Variants in GRIA3 observed in about 807,000 individuals in gnomAD.
The protein encoded by GRIA3 is glutamate ionotropic receptor AMPA type subunit 3, also known as glutamate receptor 3.
Under a neutral mutation model 63.0 loss-of-function variants are expected in GRIA3, and 3 were observed. The observed-to-expected ratio is 0.05, with a 90% CI of 0.02 to 0.12. GRIA3 has a LOEUF of 0.12. Ranked by LOEUF, GRIA3 falls within the 10% of genes least tolerant of loss-of-function variation. The probability of loss-of-function intolerance (pLI) is 1.00; values close to 1 mark genes in which losing one functional copy is unlikely to be tolerated. For missense variants in GRIA3, 347 were observed against 700.9 expected (o/e 0.50, Z 5.70); for synonymous variants, 274 against 257.9 (o/e 1.06, Z -0.60).
At chrX:123,241,569 G>A (rs1470145893) in intron 2 of GRIA3, among the ~76,000 whole-genome samples, 2 of 110,507 alleles carry the variant, frequency 1.8e-5, no homozygotes, top group Admixed American at 9.7e-5. Context: ...GGGGGGTGGG[G>A]AGGGGTATCA....
intron 4 of GRIA3, among the ~76,000 whole-genome samples, chrX:123,351,500 A>G (rs2045093928): frequency 8.9e-6 from 1 of 111,950 alleles, no homozygotes; most frequent in African/African-American, 3.2e-5. Flanking sequence ...TAAAATATGC[A>G]TATCCCTGGG....
rs1182281231 is a variant in GRIA3 at position 123,398,713 on chromosome X, T to A, written c.990T>A (p.Asp330Glu). ...GCTACCTGAGGAGGCAGCGAGTAGA[T>A]GTGTCCCGGAGAGGAAGTGCTGGAG... ...AFRYLRRQRVDVSRRGSAGDC... is the reference protein window; with the variant it reads ...AFRYLRRQRVEVSRRGSAGDC... Residue 330 changes from aspartate (D) to glutamate (E), a missense_variant, in exon 7 of 16, where the codon GAT becomes GAA. Asp to Glu is a conservative substitution (Grantham distance 45). Coordinates refer to ENST00000620443, the MANE Select transcript of GRIA3 (RefSeq NM_007325.5). 1.7e-6 allele frequency: 2 copies of A among 1,207,513 alleles called. No individual in the cohort carries two copies. Among genetic ancestry groups the A allele is most frequent in the Admixed American group, 4.4e-5 (2 of 45,943 alleles).
chrX:123,246,157 A>AG, intron 2 of GRIA3, among the ~76,000 whole-genome samples: 1 of 112,008 alleles, frequency 8.9e-6, no homozygotes, highest in Middle Eastern at 4.6e-3. Flanking sequence ...ATAATATTTT[A>AG]GGGGGAAAAA....
In GRIA3 at chrX:123,427,388, A is replaced by C. The variant is rs755060704; in HGVS notation, c.1878-553A>C. Among the ~76,000 whole-genome samples the C allele has an allele frequency of 2.7e-5, 3 of 111,252 alleles. No homozygotes were observed. The Admixed American group carries it at 2.9e-4, about 11-fold the overall frequency. ...GATTTAATTGGTGGGCCTGGGCATGAGTTTTTTTTTAAGATCCTAGGTGAT... is the reference window on the plus strand; with the variant it reads ...GATTTAATTGGTGGGCCTGGGCATGCGTTTTTTTTTAAGATCCTAGGTGAT... On this transcript the variant is annotated intron_variant, in intron 11 of 15. Coordinates refer to ENST00000620443, the MANE Select transcript of GRIA3 (RefSeq NM_007325.5).
At chrX:123,217,091 T>A (rs779216841) in intron 2 of GRIA3, among the ~76,000 whole-genome samples, 1 of 111,672 alleles carries the variant, frequency 9.0e-6, no homozygotes, top group African/African-American at 3.3e-5. Flanking sequence ...AGTGTTCAGA[T>A]CTTGCAAAGC....
At chrX:123,404,182 G>A (rs751263190) in intron 9 of GRIA3, among the ~76,000 whole-genome samples, 1 of 111,555 alleles carries the variant, frequency 9.0e-6, no homozygotes, top group South Asian at 3.8e-4. Flanking sequence ...ACTGAATGGA[G>A]ACTAGGCTGA....
chrX:123,417,831 A>T (rs1362942704), intron 11 of GRIA3, 53 bp downstream of exon 11: 1 of 1,015,247 alleles, frequency 9.8e-7, no homozygotes, highest in South Asian at 1.9e-5. Flanking sequence ...GTCATACTCC[A>T]TTCATGTACA....
At chrX:123,382,937 T>C (rs2045333026) in intron 5 of GRIA3, among the ~76,000 whole-genome samples, 1 of 111,961 alleles carries the variant, frequency 8.9e-6, no homozygotes. Context: ...AGGACTGTAA[T>C]GGTGGCAGAA....
chrX:123,370,870 A>G (rs1050620883), intron 5 of GRIA3, among the ~76,000 whole-genome samples: 4 of 110,579 alleles, frequency 3.6e-5, no homozygotes, highest in African/African-American at 1.3e-4. Flanking sequence ...CCATCCCCTC[A>G]AGCATTTATC....
chrX:123,220,185 C>T (rs1928257226), intron 2 of GRIA3, among the ~76,000 whole-genome samples: 1 of 112,153 alleles, frequency 8.9e-6, no homozygotes, highest in African/African-American at 3.2e-5. Flanking sequence ...TTCTTAGCCT[C>T]ATGCTTCCAG....
intron 4 of GRIA3, among the ~76,000 whole-genome samples, chrX:123,341,043 A>G (rs1461479589): frequency 8.9e-6 from 1 of 112,296 alleles, no homozygotes; most frequent in Non-Finnish European, 1.9e-5. Context: ...TGGCTCATCT[A>G]ACAAGATAGA....
At chrX:123,408,300 A>T (rs1440463287) in intron 10 of GRIA3, among the ~76,000 whole-genome samples, 1 of 111,294 alleles carries the variant, frequency 9.0e-6, no homozygotes, top group Non-Finnish European at 1.9e-5. Context: ...AGGTTATCCG[A>T]TGTGAGCTAT....
At chrX:123,362,676 T>C (rs2045183539) in intron 5 of GRIA3, among the ~76,000 whole-genome samples, 1 of 108,625 alleles carries the variant, frequency 9.2e-6, no homozygotes, top group Non-Finnish European at 1.9e-5. Context: ...AATGGATGAG[T>C]TTTATGTGAT....
intron 2 of GRIA3, among the ~76,000 whole-genome samples, chrX:123,237,871 GAC>G (rs55742237): frequency 0.1 from 11,540 of 111,532 alleles, 508 homozygotes; most frequent in Middle Eastern, 0.18. Flanking sequence ...TACTTTGGGA[GAC>G]ACAGTTTTAC....
Position 123,480,193 on chromosome X carries a change from T to A in GRIA3, c.2439+16T>A. On this transcript the variant is annotated intron_variant, in intron 14 of 15. Transcript: ENST00000620443. The stretch of plus-strand genomic sequence containing the variant: ...CGGGAGTAAGGTCAGTCGCTGAAGG[T>A]CTTTTTGTACTGATTAGCAATCACA... 1 of 1,011,310 alleles carries A rather than the reference T, an allele frequency of 9.9e-7. No individual in the cohort carries two copies. The highest frequency in any genetic ancestry group is 1.4e-6 in the Non-Finnish European group (1 of 713,381). The allele number at this position is 1,011,310 out of a possible 1,213,427, so 83.3% of individuals were successfully genotyped here.
chrX:123,487,348 A>G (rs1356737930), intron 15 of GRIA3, among the ~76,000 whole-genome samples: 2 of 112,697 alleles, frequency 1.8e-5, no homozygotes, highest in African/African-American at 6.4e-5. Flanking sequence ...AAGTTAGGGG[A>G]AAAGATTTTC....
chrX:123,314,442 C>T (rs1283882876), intron 3 of GRIA3, among the ~76,000 whole-genome samples: 1 of 111,942 alleles, frequency 8.9e-6, no homozygotes. Flanking sequence ...TCAATCCAAA[C>T]CCCAGTTGCT....
chrX:123,415,481 G>T (rs2045531944), intron 10 of GRIA3, among the ~76,000 whole-genome samples: 1 of 111,366 alleles, frequency 9.0e-6, no homozygotes, highest in East Asian at 2.8e-4. Context: ...AGGGGGAACT[G>T]AGATGATAGA....
chrX:123,186,835 C>T (rs1239767638), intron 2 of GRIA3, among the ~76,000 whole-genome samples: 1 of 111,690 alleles, frequency 9.0e-6, no homozygotes, highest in African/African-American at 3.3e-5. Context: ...ATTCATCAGG[C>T]CCAAAGCCGG....
Sources: gnomAD v4.1 joint callset for allele counts (sites outside exome capture counted in the v4.1 genomes callset) on GRCh38, gnomAD v4.1.1 for gene constraint, MANE v1.5 for transcripts, NCBI Gene and HGNC (gene_info 2026-07-23, HGNC 2026-07-21) for gene names.